SCN3A: variants seen among roughly 807,000 people sequenced by gnomAD.
SCN3A encodes the protein sodium voltage-gated channel alpha subunit 3, also known as sodium channel protein type 3 subunit alpha.
SCN3A carries 60 observed loss-of-function variants against 187.6 expected under a neutral mutation model. That is an observed-to-expected ratio of 0.32 (90% confidence interval 0.26 to 0.40). The LOEUF (loss-of-function observed/expected upper bound fraction) is 0.40, where lower values mean the gene tolerates loss of function less well. SCN3A is among the 10% of genes least tolerant of loss of function. SCN3A has a pLI of 1.00. For missense variants in SCN3A, 1,601 were observed against 2,428.2 expected (o/e 0.66, Z 7.16); for synonymous variants, 788 against 829.2 (o/e 0.95, Z 0.85).
In SCN3A at chr2:165,097,278, C is replaced by A. The variant is rs768382383; in HGVS notation, c.4213G>T (p.Ala1405Ser). 1.2e-6 allele frequency: 2 copies of A among 1,613,994 alleles called. No individual in the cohort carries two copies. The highest frequency in any genetic ancestry group is 1.7e-6 in the Non-Finnish European group (2 of 1,179,952). The stretch of plus-strand genomic sequence containing the variant: ...ACTTGAAGCAGTGCAAGATAGCCAG[C>A]GCCAACATTATCAAAGTTTACTTTC... ...NVKVNFDNVG[A>S]GYLALLQVAT... is the part of the protein sequence containing the mutation. Residue 1405 changes from alanine (A) to serine (S), a missense_variant, in exon 23 of 28, where the codon GCT becomes TCT. Physicochemically the swap from Ala to Ser is moderately conservative, Grantham distance 99 (BLOSUM62 1). Around this residue, in one of 11 missense-constraint regions of SCN3A, gnomAD observed 320 missense variants for 623.2 expected, o/e 0.51. Coordinates refer to ENST00000283254, the MANE Select transcript of SCN3A (RefSeq NM_006922.4).
In SCN3A at chr2:165,164,563, C is replaced by T. The variant is rs748695231; in HGVS notation, c.474-43G>A. 5 of 1,608,072 alleles carry T rather than the reference C, an allele frequency of 3.1e-6. No homozygotes were observed. The East Asian group carries it at 6.7e-5, about 22-fold the overall frequency. ...GCCAAAATTAACAATTTTGCTTGAA[C>T]TGTTAAAATAAATGTTTTCAATCAT... is the stretch of plus-strand genomic sequence containing the variant. On this transcript the variant is annotated intron_variant, in intron 5 of 27. Coordinates refer to ENST00000283254, the MANE Select transcript of SCN3A (RefSeq NM_006922.4).
At chr2:165,145,536 G>C (rs1226419298) in intron 12 of SCN3A, among the ~76,000 whole-genome samples, 1 of 151,962 alleles carries the variant, frequency 6.6e-6, no homozygotes, top group Non-Finnish European at 1.5e-5. Flanking sequence ...CAAGTTTTAA[G>C]TTATTAATAT....
At chr2:165,189,786 C>T (rs1342081799) in intron 1 of SCN3A, among the ~76,000 whole-genome samples, 4 of 152,098 alleles carry the variant, frequency 2.6e-5, no homozygotes, top group Admixed American at 1.3e-4. Flanking sequence ...TACTATGGCT[C>T]CATTATTTTT....
rs2105861870 is a variant in SCN3A at position 165,154,631 on chromosome 2, T to C, written c.1201A>G (p.Met401Val). 1 of 1,614,060 alleles carries C rather than the reference T, an allele frequency of 6.2e-7. No homozygotes were observed. The highest frequency in any genetic ancestry group is 8.5e-7 in the Non-Finnish European group (1 of 1,179,948). Reference protein sequence around the residue: ...LTLRAAGKTYMIFFVLVIFLG... With the variant: ...LTLRAAGKTYVIFFVLVIFLG... ...AAAATGACCAGGACAAAAAATATCA[T>C]GTATGTTTTCCCAGCAGCACGTAAT... The change falls in exon 11 of 28, where the codon ATG becomes GTG. Residue 401 changes from methionine (M) to valine (V), a missense_variant. Physicochemically the swap from Met to Val is conservative, Grantham distance 21 (BLOSUM62 1). Coordinates refer to ENST00000283254, the MANE Select transcript of SCN3A (RefSeq NM_006922.4).
intron 3 of SCN3A, among the ~76,000 whole-genome samples, chr2:165,175,486 T>G (rs1004042268): frequency 1.3e-5 from 2 of 152,114 alleles, no homozygotes; most frequent in Non-Finnish European, 2.9e-5. Flanking sequence ...TTGAAAGTTC[T>G]TTCTTTTTGG....
chr2:165,144,645 C>A (rs531925220), intron 12 of SCN3A, among the ~76,000 whole-genome samples: 1 of 152,264 alleles, frequency 6.6e-6, no homozygotes, highest in Non-Finnish European at 1.5e-5. Flanking sequence ...GTAAACCACC[C>A]TATTTAAAAT....
At chr2:165,163,849 C>T (rs77258062) in intron 6 of SCN3A, 140 bp from the exon 7 acceptor site, 7 of 1,613,674 alleles carry the variant, frequency 4.3e-6, no homozygotes, top group Admixed American at 3.3e-5. Flanking sequence ...TCTGAAAGTT[C>T]GAAGGGCTGA....
At chr2:165,197,835 T>C (rs1453273635) in intron 1 of SCN3A, among the ~76,000 whole-genome samples, 1 of 151,978 alleles carries the variant, frequency 6.6e-6, no homozygotes, top group East Asian at 1.9e-4. Context: ...TTTACATTAA[T>C]TTTTGGTATA....
intron 11 of SCN3A, among the ~76,000 whole-genome samples, chr2:165,148,289 C>T (rs985982241): frequency 6.6e-6 from 1 of 151,976 alleles, no homozygotes; most frequent in Non-Finnish European, 1.5e-5. Context: ...ATTTAACTTG[C>T]TACAGATAGC....
At position 165,091,288 on chromosome 2, in the gene SCN3A, A is replaced by G. The variant is rs1437149602; in HGVS notation, c.4865T>C (p.Val1622Ala). Residue 1622 changes from valine (V) to alanine (A), a missense_variant, in exon 28 of 28, where the codon GTG (valine) becomes GCG (alanine). Around this residue, in one of 11 missense-constraint regions of SCN3A, gnomAD observed 320 missense variants for 623.2 expected, o/e 0.51. Transcript: ENST00000283254. ...TCGGCCAATCCTGGCAAGACGGATC[A>G]CTCGGAACAAGGTAGGGGACACAAA... ...KYFVSPTLFR[V>A]IRLARIGRIL... 1 of 1,614,114 alleles carries G rather than the reference A, an allele frequency of 6.2e-7. No homozygotes were observed. The highest frequency in any genetic ancestry group is 2.2e-5 in the East Asian group (1 of 44,870).
chr2:165,089,339 T>G lies in SCN3A; in HGVS notation c.*811A>C, dbSNP rs1684971748. The G allele has an allele frequency of 1.3e-5, 2 of 152,642 alleles. No individual in the cohort carries two copies. Among genetic ancestry groups the G allele is most frequent in the African/African-American group, 4.8e-5 (2 of 41,456 alleles). The allele number at this position is 152,642 out of a possible 1,614,324, so 9.5% of individuals were successfully genotyped here. A position where few individuals can be genotyped will look rare whatever the true frequency, so the allele number is the denominator to read the frequency against. ...AAGTGGAACAACTATTCTAAAGCAATACTTTAGATATATTTTTCTAGAATG... is the reference window on the plus strand; with the variant it reads ...AAGTGGAACAACTATTCTAAAGCAAGACTTTAGATATATTTTTCTAGAATG... On this transcript the variant is annotated 3_prime_UTR_variant, in exon 28 of 28. Coordinates refer to ENST00000283254, the MANE Select transcript of SCN3A (RefSeq NM_006922.4).
intron 18 of SCN3A, among the ~76,000 whole-genome samples, chr2:165,127,271 A>C (rs569191449): frequency 1.3e-5 from 2 of 152,092 alleles, no homozygotes; most frequent in East Asian, 3.9e-4. Context: ...CATCTTGCCC[A>C]GGCTGGCCTC....
At chr2:165,176,779 G>A (rs1690497631) in intron 2 of SCN3A, among the ~76,000 whole-genome samples, 1 of 152,094 alleles carries the variant, frequency 6.6e-6, no homozygotes, top group African/African-American at 2.4e-5. Context: ...AAAAAATTCT[G>A]TTTTGACACT....
At chr2:165,146,261 A>G (rs1688314013) in intron 12 of SCN3A, among the ~76,000 whole-genome samples, 1 of 151,980 alleles carries the variant, frequency 6.6e-6, no homozygotes, top group Non-Finnish European at 1.5e-5. Flanking sequence ...TTTGGATAAC[A>G]AAGGCAGAAA....
chr2:165,106,827 G>A (rs766098921), intron 21 of SCN3A, among the ~76,000 whole-genome samples: 16 of 152,142 alleles, frequency 1.1e-4, no homozygotes, highest in Non-Finnish European at 1.5e-4. Flanking sequence ...TAGGTCTTCC[G>A]AAAACATTTA....
chr2:165,166,222 G>T (rs1689747298), intron 5 of SCN3A, among the ~76,000 whole-genome samples: 1 of 152,088 alleles, frequency 6.6e-6, no homozygotes, highest in Non-Finnish European at 1.5e-5. Flanking sequence ...GGTACATTTG[G>T]AATGTATGGG....
rs756527147 is a variant in SCN3A at position 165,138,020 on chromosome 2, T to G, written c.2250A>C (p.Lys750Asn). The G allele has an allele frequency of 2.5e-6, 4 of 1,613,532 alleles. No homozygotes were observed. Among genetic ancestry groups the G allele is most frequent in the Non-Finnish European group, 3.4e-6 (4 of 1,179,584 alleles). The change falls in exon 15 of 28, where the codon AAA (lysine) becomes AAC (asparagine). Residue 750 changes from lysine to asparagine, a missense_variant. Around this residue, in one of 11 missense-constraint regions of SCN3A, gnomAD observed 376 missense variants for 476.0 expected, o/e 0.79. Transcript: ENST00000283254. ...CCATAACAATTAAATTCACAAGATG[T>G]TTTACTTTTAACCATGCATCACAGC... ...WDCCDAWLKVKHLVNLIVMDP... is the reference protein window; with the variant it reads ...WDCCDAWLKVNHLVNLIVMDP...
chr2:165,126,142 T>G (rs1026514112), intron 18 of SCN3A, among the ~76,000 whole-genome samples: 3 of 152,198 alleles, frequency 2.0e-5, no homozygotes, highest in Non-Finnish European at 4.4e-5. Flanking sequence ...AATCAGACAT[T>G]GTTGGTTTGG....
chr2:165,093,774 G>A (rs1348910825), intron 26 of SCN3A: 1 of 152,378 alleles, frequency 6.6e-6, no homozygotes, highest in Non-Finnish European at 1.5e-5. Context: ...CTTGGGGCAT[G>A]ATTCGTATGT....
Sources: allele counts gnomAD v4.1 joint callset (sites outside exome capture counted in the v4.1 genomes callset), GRCh38; gene constraint gnomAD v4.1.1; regional missense constraint gnomAD v4.1.1; transcripts MANE v1.5; gene names NCBI Gene and HGNC (gene_info 2026-07-23, HGNC 2026-07-21).